ZNF385D: variants seen among roughly 807,000 people sequenced by gnomAD.
ZNF385D encodes the protein zinc finger protein 659.
Under a neutral mutation model 35.8 loss-of-function variants are expected in ZNF385D, and 15 were observed. The ratio of observed to expected loss-of-function variants is 0.42; its 90% CI spans 0.28 to 0.64. The LOEUF (loss-of-function observed/expected upper bound fraction) is 0.64. Ranked by LOEUF, ZNF385D falls within the 30% of genes least tolerant of loss-of-function variation. ZNF385D has a pLI of 0.23. For synonymous variants in ZNF385D, 212 were observed against 186.8 expected, an observed-to-expected ratio of 1.13 and a Z score of -1.10; for missense variants, 474 against 494.6, an observed-to-expected ratio of 0.96 and a Z score of 0.39.
intron 3 of ZNF385D, among the ~76,000 whole-genome samples, chr3:22,074,262 G>A (rs904095743): frequency 3.9e-5 from 6 of 151,934 alleles, no homozygotes; most frequent in African/African-American, 1.5e-4. Flanking sequence ...ATGATCAGCT[G>A]GAGTGAAGAC....
intron 2 of ZNF385D, among the ~76,000 whole-genome samples, chr3:21,640,244 G>A (rs1310785090): frequency 2.0e-5 from 3 of 151,938 alleles, no homozygotes; most frequent in African/African-American, 7.3e-5. Context: ...ATTGGGCCTT[G>A]TTCTTTGGTT....
At chr3:22,266,434 T>C (rs149782189) in intron 2 of ZNF385D, among the ~76,000 whole-genome samples, 3 of 151,862 alleles carry the variant, frequency 2.0e-5, no homozygotes, top group African/African-American at 7.2e-5. Flanking sequence ...GGTGTAGGGA[T>C]CAGGACTCCT....
At chr3:21,919,937 C>A (rs1221213826) in intron 3 of ZNF385D, among the ~76,000 whole-genome samples, 2 of 152,202 alleles carry the variant, frequency 1.3e-5, no homozygotes, top group Non-Finnish European at 2.9e-5. Context: ...TTACTCTAAG[C>A]TCCCTCTATA....
intron 3 of ZNF385D, among the ~76,000 whole-genome samples, chr3:22,039,108 G>C (rs1013089147): frequency 1.2e-4 from 18 of 151,646 alleles, no homozygotes; most frequent in African/African-American, 4.4e-4. Flanking sequence ...CCATGTGAAC[G>C]AGCCAGAAGT....
intron 2 of ZNF385D, among the ~76,000 whole-genome samples, chr3:22,291,335 C>T (rs1238617729): frequency 6.6e-6 from 1 of 152,014 alleles, no homozygotes; most frequent in Non-Finnish European, 1.5e-5. Flanking sequence ...ACCATCAAGA[C>T]CCATTTTCTG....
intron 2 of ZNF385D, among the ~76,000 whole-genome samples, chr3:22,196,741 A>G (rs1424498727): frequency 6.6e-6 from 1 of 152,026 alleles, no homozygotes; most frequent in East Asian, 1.9e-4. Context: ...TTTAAACCCC[A>G]AAATACATTG....
chr3:21,541,578 A>G (rs1321898260), intron 3 of ZNF385D, among the ~76,000 whole-genome samples: 1 of 152,188 alleles, frequency 6.6e-6, no homozygotes, highest in African/African-American at 2.4e-5. Context: ...AGACATTAAT[A>G]TGAGTTACCT....
rs192916647 is a variant in ZNF385D, at chr3:21,929,963, T to C, written c.325+238854A>G. Among the ~76,000 whole-genome samples the C allele has an allele frequency of 9.2e-5, 14 of 152,206 alleles. 1 individual carries two copies. The East Asian group carries it at 2.5e-3, about 27-fold the overall frequency. On this transcript the variant is annotated intron_variant, in intron 3 of 5. Transcript: ENST00000494108. ...TGCCAAGCTTATCCTAAAATTCATA[T>C]GGGAATACAAGGGACCCAGAATAGA... is the stretch of plus-strand genomic sequence containing the variant.
At chr3:21,872,696 G>A (rs1421040094) in intron 3 of ZNF385D, among the ~76,000 whole-genome samples, 1 of 152,076 alleles carries the variant, frequency 6.6e-6, no homozygotes, top group African/African-American at 2.4e-5. Flanking sequence ...AAGAAATAGA[G>A]TTTGCTGAGC....
At chr3:21,525,789 T>C (rs1172209469) in intron 3 of ZNF385D, among the ~76,000 whole-genome samples, 1 of 152,134 alleles carries the variant, frequency 6.6e-6, no homozygotes, top group Admixed American at 6.6e-5. Flanking sequence ...CCAAATTGTT[T>C]GAATTTACCA....
intron 3 of ZNF385D, among the ~76,000 whole-genome samples, chr3:21,928,617 A>G (rs1332183140): frequency 6.6e-6 from 1 of 152,224 alleles, no homozygotes; most frequent in Non-Finnish European, 1.5e-5. Flanking sequence ...AAAAAGGAAA[A>G]TAGTGGGGAG....
At chr3:21,664,522 A>G (rs1209428175) in intron 2 of ZNF385D, among the ~76,000 whole-genome samples, 2 of 152,194 alleles carry the variant, frequency 1.3e-5, no homozygotes, top group African/African-American at 4.8e-5. Context: ...GATAGAAGAA[A>G]CACATTTTTA....
chr3:22,174,662 A>G (rs150942282), intron 2 of ZNF385D, among the ~76,000 whole-genome samples: 3,401 of 152,212 alleles, frequency 0.022, 54 homozygotes, highest in Middle Eastern at 0.037. Flanking sequence ...TGATATGATA[A>G]TATCTCCAGA....
At chr3:22,185,438 A>G (rs1695564126) in intron 2 of ZNF385D, among the ~76,000 whole-genome samples, 1 of 152,124 alleles carries the variant, frequency 6.6e-6, no homozygotes, top group Admixed American at 6.6e-5. Flanking sequence ...CAAATAATAC[A>G]TGTATTTAAA....
intron 3 of ZNF385D, among the ~76,000 whole-genome samples, chr3:22,157,617 G>GT (rs1367825578): frequency 6.6e-6 from 1 of 151,986 alleles, no homozygotes; most frequent in East Asian, 1.9e-4. Flanking sequence ...TAAAACTACA[G>GT]TTTTTTAACC....
chr3:21,809,713 C>CAT (rs1180708267), intron 3 of ZNF385D, among the ~76,000 whole-genome samples: 4 of 150,478 alleles, frequency 2.7e-5, no homozygotes, highest in African/African-American at 4.9e-5. Flanking sequence ...CACATATATA[C>CAT]ATATATATAC....
At chr3:21,586,821 A>G (rs1313114381) in intron 2 of ZNF385D, among the ~76,000 whole-genome samples, 3 of 152,230 alleles carry the variant, frequency 2.0e-5, no homozygotes, top group African/African-American at 7.2e-5. Context: ...TGAAGGGTAG[A>G]CAAAAACATA....
intron 3 of ZNF385D, among the ~76,000 whole-genome samples, chr3:22,115,008 A>G (rs112614286): frequency 0.014 from 2,067 of 152,138 alleles, 41 homozygotes; most frequent in African/African-American, 0.047. Context: ...CAAGAAATCA[A>G]TCTCTTCTCT....
At chr3:21,695,574 C>T (rs2067441341) in intron 1 of ZNF385D, among the ~76,000 whole-genome samples, 1 of 152,064 alleles carries the variant, frequency 6.6e-6, no homozygotes, top group South Asian at 2.1e-4. Context: ...CAGATAATGC[C>T]AGATGCTTCA....
Sources: allele counts gnomAD v4.1 joint callset (sites outside exome capture counted in the v4.1 genomes callset), GRCh38; gene constraint gnomAD v4.1.1; transcripts MANE v1.5; gene names NCBI Gene and HGNC (gene_info 2026-07-23, HGNC 2026-07-21).